Variants in AGMO observed in about 807,000 individuals in gnomAD.
AGMO encodes alkylglycerol monooxygenase.
AGMO carries 75 observed loss-of-function variants against 60.2 expected under a neutral mutation model. The observed-to-expected ratio is 1.25, with a 90% CI of 1.03 to 1.51. The LOEUF (loss-of-function observed/expected upper bound fraction) is 1.51. Ranked by LOEUF, AGMO falls within the 40% of genes most tolerant of loss-of-function variation. AGMO has a pLI of 0.00. For missense variants in AGMO, 763 were observed against 525.5 expected (o/e 1.45, Z -4.42); for synonymous variants, 261 against 177.1 (o/e 1.47, Z -3.76).
chr7:15,379,988 T>G (rs1212865014), intron 10 of AGMO, among the ~76,000 whole-genome samples: 3 of 152,102 alleles, frequency 2.0e-5, no homozygotes, highest in Non-Finnish European at 4.4e-5. Flanking sequence ...TTCAATAAAC[T>G]AGGTATTGAA....
At chr7:15,470,085 G>C (rs1782409257) in intron 3 of AGMO, among the ~76,000 whole-genome samples, 2 of 152,070 alleles carry the variant, frequency 1.3e-5, no homozygotes, top group African/African-American at 4.8e-5. Flanking sequence ...GAATGACTGA[G>C]AGAGGGTAGT....
chr7:15,508,410 T>C (rs1001917349), intron 3 of AGMO, among the ~76,000 whole-genome samples: 5 of 152,110 alleles, frequency 3.3e-5, no homozygotes, highest in Non-Finnish European at 7.4e-5. Flanking sequence ...GAGGCTATAG[T>C]GGGTTGTTTG....
chr7:15,169,422 C>CT, the AGMO span, among the ~76,000 whole-genome samples: 1 of 151,848 alleles, frequency 6.6e-6, no homozygotes, highest in Admixed American at 6.6e-5. Context: ...CAATTGGTGT[C>CT]TTTTTCTTTT....
At chr7:15,300,329 G>C (rs1410922856) in intron 12 of AGMO, among the ~76,000 whole-genome samples, 3 of 152,110 alleles carry the variant, frequency 2.0e-5, no homozygotes, top group Non-Finnish European at 4.4e-5. Flanking sequence ...CAAACATAGA[G>C]TCCAGATTGA....
intron 3 of AGMO, among the ~76,000 whole-genome samples, chr7:15,542,257 T>A (rs1784648612): frequency 6.6e-6 from 1 of 152,240 alleles, no homozygotes; most frequent in African/African-American, 2.4e-5. Context: ...GAACTTACGG[T>A]TTGGCTCCAT....
chr7:15,311,203 T>C (rs904162468), intron 12 of AGMO, among the ~76,000 whole-genome samples: 2 of 152,044 alleles, frequency 1.3e-5, no homozygotes, highest in African/African-American at 2.4e-5. Context: ...TCAAAAGCAC[T>C]GAAGAGCTAA....
chr7:15,280,892 T>C (rs1156274255), intron 12 of AGMO, among the ~76,000 whole-genome samples: 1 of 152,174 alleles, frequency 6.6e-6, no homozygotes, highest in Non-Finnish European at 1.5e-5. Context: ...CTAATGTAGA[T>C]AGAGTCTACA....
intron 12 of AGMO, among the ~76,000 whole-genome samples, chr7:15,333,602 T>TAAA (rs199764355): frequency 6.2e-5 from 8 of 128,332 alleles, no homozygotes; most frequent in Non-Finnish European, 1.0e-4. Flanking sequence ...CTACTGAATT[T>TAAA]AAAAAAAAAA....
intron 12 of AGMO, 129 bp from the exon 13 acceptor site, chr7:15,201,488 A>T: frequency 1.6e-6 from 1 of 624,908 alleles, no homozygotes; most frequent in Non-Finnish European, 2.7e-6. Context: ...TATTAAATTA[A>T]ATCTAGCAAT....
At chr7:15,185,107 G>T in the AGMO span, among the ~76,000 whole-genome samples, 1 of 152,038 alleles carries the variant, frequency 6.6e-6, no homozygotes, top group African/African-American at 2.4e-5. Flanking sequence ...TTCATATAAG[G>T]TTAAAATTTA....
At chr7:15,118,225 T>C in the AGMO span, among the ~76,000 whole-genome samples, 6 of 148,138 alleles carry the variant, frequency 4.1e-5, no homozygotes, top group South Asian at 2.1e-4. Context: ...TACAAACAGA[T>C]AAATATTTCA....
intron 3 of AGMO, among the ~76,000 whole-genome samples, chr7:15,452,027 C>T (rs1008486971): frequency 5.9e-5 from 9 of 152,158 alleles, no homozygotes; most frequent in African/African-American, 2.2e-4. Flanking sequence ...TCTTGTCTAC[C>T]TATTAAGCTA....
At chr7:15,145,010 A>G in the AGMO span, among the ~76,000 whole-genome samples, 4 of 152,026 alleles carry the variant, frequency 2.6e-5, no homozygotes, top group Non-Finnish European at 5.9e-5. Flanking sequence ...TTTTATTTTT[A>G]GTAGGGACGG....
chr7:15,294,887 G>T (rs1784369384), intron 12 of AGMO, among the ~76,000 whole-genome samples: 1 of 151,788 alleles, frequency 6.6e-6, no homozygotes, highest in South Asian at 2.1e-4. Flanking sequence ...ATCGAAAAGT[G>T]ATACTTTAAC....
intron 12 of AGMO, among the ~76,000 whole-genome samples, chr7:15,336,488 A>G (rs1434609499): frequency 1.3e-5 from 2 of 152,124 alleles, no homozygotes; most frequent in African/African-American, 2.4e-5. Context: ...CTTGAATCCC[A>G]AAATCAATCT....
chr7:15,456,077 T>C (rs1464727849), intron 3 of AGMO, among the ~76,000 whole-genome samples: 4 of 152,102 alleles, frequency 2.6e-5, no homozygotes, highest in African/African-American at 4.8e-5. Context: ...AGTTTTCTTA[T>C]CTATGTCTAT....
intron 12 of AGMO, among the ~76,000 whole-genome samples, chr7:15,272,470 T>C (rs1393400888): frequency 6.6e-6 from 1 of 152,104 alleles, no homozygotes; most frequent in African/African-American, 2.4e-5. Context: ...CATCATTTTT[T>C]ATGGCTGCAT....
chr7:15,551,279 A>T (rs1583680221), intron 2 of AGMO, among the ~76,000 whole-genome samples: 1 of 151,978 alleles, frequency 6.6e-6, no homozygotes, highest in East Asian at 1.9e-4. Flanking sequence ...GCCCTCTCTC[A>T]CCACTCCTAT....
chr7:15,346,617 T>A (rs1165326862), intron 12 of AGMO, among the ~76,000 whole-genome samples: 4 of 145,768 alleles, frequency 2.7e-5, no homozygotes, highest in African/African-American at 5.0e-5. Context: ...TCTTAAAAAG[T>A]AAAAAAAAAA....
Sources: gnomAD v4.1 joint callset for allele counts (sites outside exome capture counted in the v4.1 genomes callset) on GRCh38, gnomAD v4.1.1 for gene constraint, MANE v1.5 for transcripts, NCBI Gene and HGNC (gene_info 2026-07-23, HGNC 2026-07-21) for gene names.